Variants in DTNB observed in about 807,000 individuals in gnomAD.
The protein encoded by DTNB is dystrobrevin beta.
A neutral mutation model predicts 90.7 loss-of-function variants in DTNB; 63 were observed. The observed-to-expected ratio is 0.69, with a 90% CI of 0.57 to 0.86. The LOEUF (loss-of-function observed/expected upper bound fraction) is 0.86. Among genes scored for constraint, DTNB ranks in the 40% least tolerant of loss-of-function variants. DTNB has a pLI of 0.00. For synonymous variants in DTNB, 277 were observed against 286.7 expected (o/e 0.97, Z 0.34); for missense variants, 744 against 807.1 (o/e 0.92, Z 0.95).
intron 1 of DTNB, among the ~76,000 whole-genome samples, chr2:25,659,835 C>T (rs1372161082): frequency 1.3e-5 from 2 of 151,976 alleles, no homozygotes; most frequent in Non-Finnish European, 2.9e-5. Flanking sequence ...GACAAGGAAA[C>T]ACTTACCTAC....
intron 9 of DTNB, among the ~76,000 whole-genome samples, chr2:25,492,988 G>A (rs2067906451): frequency 6.6e-6 from 1 of 152,172 alleles, no homozygotes; most frequent in Non-Finnish European, 1.5e-5. Flanking sequence ...AGACAGCCAC[G>A]TACTTACCCC....
chr2:25,522,885 G>A (rs1263967274), intron 9 of DTNB, among the ~76,000 whole-genome samples: 1 of 152,086 alleles, frequency 6.6e-6, no homozygotes, highest in Non-Finnish European at 1.5e-5. Context: ...ATTTTTAGTA[G>A]AGACGGGGTT....
intron 16 of DTNB, among the ~76,000 whole-genome samples, chr2:25,401,957 A>C (rs2043841016): frequency 1.3e-5 from 2 of 152,232 alleles, no homozygotes; most frequent in African/African-American, 4.8e-5. Flanking sequence ...CGATTTTCAG[A>C]GGCCCTCTCA....
At chr2:25,421,393 G>C (rs2049639123) in intron 15 of DTNB, among the ~76,000 whole-genome samples, 1 of 152,126 alleles carries the variant, frequency 6.6e-6, no homozygotes, top group South Asian at 2.1e-4. Context: ...AAACTCACAG[G>C]AGCCTAGGCA....
At chr2:25,633,312 C>T (rs1449674343) in intron 3 of DTNB, among the ~76,000 whole-genome samples, 1 of 152,184 alleles carries the variant, frequency 6.6e-6, no homozygotes, top group Non-Finnish European at 1.5e-5. Context: ...TGCAGGCGCG[C>T]GCCGCCACGC....
At chr2:25,587,198 G>A (rs1233751872) in intron 6 of DTNB, among the ~76,000 whole-genome samples, 1 of 152,170 alleles carries the variant, frequency 6.6e-6, no homozygotes, top group Non-Finnish European at 1.5e-5. Context: ...GCAATGAGGA[G>A]TGAGTCGAGT....
chr2:25,650,307 C>A (rs2080587572), intron 2 of DTNB: 3 of 896,236 alleles, frequency 3.3e-6, no homozygotes, highest in African/African-American at 3.6e-5. Context: ...GTTTTGTTCT[C>A]CTCTGTAGCC....
intron 8 of DTNB, 76 bp downstream of exon 8, chr2:25,576,762 A>C: frequency 6.9e-7 from 1 of 1,443,616 alleles, no homozygotes; most frequent in Non-Finnish European, 9.2e-7. Flanking sequence ...GGCATCCATG[A>C]GGAAACTGGC....
At chr2:25,407,247 T>C (rs1467774744) in intron 16 of DTNB, among the ~76,000 whole-genome samples, 1 of 152,130 alleles carries the variant, frequency 6.6e-6, no homozygotes, top group Non-Finnish European at 1.5e-5. Flanking sequence ...GCAAGAATCG[T>C]CATTATTGAA....
At position 25,465,163 on chromosome 2, in the gene DTNB, T is replaced by C. The variant is rs182367302; in HGVS notation, c.1080-9669A>G. Among the ~76,000 whole-genome samples the C allele has an allele frequency of 2.3e-3, 350 of 152,112 alleles. 3 individuals carry two copies. Among genetic ancestry groups the C allele is most frequent in the Non-Finnish European group, 1.0e-3 (69 of 67,990 alleles). On this transcript the variant is annotated intron_variant, in intron 10 of 20. Coordinates refer to ENST00000406818, the MANE Select transcript of DTNB (RefSeq NM_021907.5). Reference sequence around the variant, plus strand: ...ACCCAGGCAGGTGGATCACCTGAGGTCAGGAGTTTGAGACCATCCTGGCTA... The same window carrying C: ...ACCCAGGCAGGTGGATCACCTGAGGCCAGGAGTTTGAGACCATCCTGGCTA...
chr2:25,477,258 T>C (rs2063914273), intron 10 of DTNB, among the ~76,000 whole-genome samples: 1 of 152,188 alleles, frequency 6.6e-6, no homozygotes, highest in Admixed American at 6.5e-5. Flanking sequence ...AATTTAAAAG[T>C]TTGTATAAGT....
intron 4 of DTNB, among the ~76,000 whole-genome samples, chr2:25,613,681 C>T (rs750399229): frequency 2.0e-5 from 3 of 151,544 alleles, no homozygotes; most frequent in Non-Finnish European, 1.5e-5. Flanking sequence ...AGGGACAGGC[C>T]GGGTGCAGTG....
chr2:25,635,910 G>A (rs969573031), intron 3 of DTNB, among the ~76,000 whole-genome samples: 8 of 152,164 alleles, frequency 5.3e-5, no homozygotes, highest in Non-Finnish European at 4.4e-5. Flanking sequence ...GAACAGTCTG[G>A]TATTGGTAGA....
chr2:25,533,219 G>A (rs1043714992), intron 8 of DTNB, among the ~76,000 whole-genome samples: 4 of 152,028 alleles, frequency 2.6e-5, no homozygotes, highest in South Asian at 2.1e-4. Context: ...CCAGTGACTC[G>A]GGAAGCTGAG....
At chr2:25,444,057 C>T (rs910697892) in intron 12 of DTNB, among the ~76,000 whole-genome samples, 49 of 152,164 alleles carry the variant, frequency 3.2e-4, no homozygotes, top group African/African-American at 1.2e-3. Context: ...ATAGTTTCCC[C>T]TTTCTTTCAC....
chr2:25,478,554 T>C (rs1393581492), intron 10 of DTNB, among the ~76,000 whole-genome samples: 1 of 152,032 alleles, frequency 6.6e-6, no homozygotes, highest in African/African-American at 2.4e-5. Flanking sequence ...AGACAGAGTC[T>C]CGCTATGTTG....
intron 15 of DTNB, among the ~76,000 whole-genome samples, chr2:25,423,830 T>C (rs974609275): frequency 2.0e-5 from 3 of 152,074 alleles, no homozygotes; most frequent in African/African-American, 2.4e-5. Flanking sequence ...CAGGTAACTT[T>C]TGTATTTTTG....
chr2:25,519,777 T>C (rs1480745232), intron 9 of DTNB, among the ~76,000 whole-genome samples: 1 of 152,140 alleles, frequency 6.6e-6, no homozygotes, highest in East Asian at 1.9e-4. Flanking sequence ...AAGATTACAA[T>C]CTTCCAAACA....
At chr2:25,628,568 C>T (rs2074970391) in intron 3 of DTNB, among the ~76,000 whole-genome samples, 184 bp from the exon 4 acceptor site, 1 of 152,054 alleles carries the variant, frequency 6.6e-6, no homozygotes, top group Non-Finnish European at 1.5e-5. Flanking sequence ...AAGGAGCCAC[C>T]ACAGCGGTAT....
Sources: gnomAD v4.1 joint callset for allele counts (sites outside exome capture counted in the v4.1 genomes callset) on GRCh38, gnomAD v4.1.1 for gene constraint, MANE v1.5 for transcripts, NCBI Gene and HGNC (gene_info 2026-07-23, HGNC 2026-07-21) for gene names.